Variants in ARHGAP31 observed in about 807,000 individuals in gnomAD.
The protein encoded by ARHGAP31 is rho GTPase-activating protein 31.
In ARHGAP31, 34 loss-of-function variants were observed where a neutral mutation model predicts 113.9. That is an observed-to-expected ratio of 0.30 (90% confidence interval 0.23 to 0.40). The LOEUF is 0.40. ARHGAP31 is among the 10% of genes least tolerant of loss of function. The pLI is 1.00. For missense variants in ARHGAP31, 1,548 were observed against 1,767.1 expected (o/e 0.88, Z 2.22); for synonymous variants, 650 against 684.8 (o/e 0.95, Z 0.79).
At chr3:119,360,553 A>G (rs1014663699) in intron 1 of ARHGAP31, among the ~76,000 whole-genome samples, 4 of 152,322 alleles carry the variant, frequency 2.6e-5, no homozygotes, top group Non-Finnish European at 4.4e-5. Flanking sequence ...ACTTCGAGAA[A>G]TGTTTGACTT....
intron 11 of ARHGAP31, among the ~76,000 whole-genome samples, chr3:119,412,824 G>T (rs546795572): frequency 2.6e-5 from 4 of 151,700 alleles, no homozygotes; most frequent in African/African-American, 9.7e-5. Flanking sequence ...AGGAGTTTGA[G>T]ACCAGCCTAG....
At position 119,407,869 on chromosome 3, in the gene ARHGAP31, G is replaced by A. The variant is rs182913642; in HGVS notation, c.1646-1627G>A. Among the ~76,000 whole-genome samples, 512 of 152,272 alleles carry A rather than the reference G, an allele frequency of 3.4e-3. 2 individuals are homozygous for A. The highest frequency in any genetic ancestry group is 0.011 in the African/African-American group (476 of 41,552). ...TACAGTGGGCCCTCGACAGTCAAAG[G>A]TTCCACATCCATGGATTGAACCAAT... On this transcript the variant is annotated intron_variant, in intron 10 of 11. Transcript: ENST00000264245.
At chr3:119,305,198 G>C (rs1334917911) in intron 1 of ARHGAP31, among the ~76,000 whole-genome samples, 1 of 152,122 alleles carries the variant, frequency 6.6e-6, no homozygotes, top group African/African-American at 2.4e-5. Context: ...TTGACCCAAC[G>C]AGACACAGCT....
chr3:119,383,154 G>A lies in ARHGAP31; in HGVS notation c.610G>A (p.Val204Met). 1.2e-6 allele frequency: 2 copies of A among 1,614,222 alleles called. No homozygotes were observed. Among genetic ancestry groups the A allele is most frequent in the Non-Finnish European group, 8.5e-7 (1 of 1,180,036 alleles). ...AFLAVRVQQV[V>M]IEFILNHVDQ... The stretch of plus-strand genomic sequence containing the variant: ...CCTTGCAGTCCGGGTCCAGCAGGTG[G>A]TGATTGAGTTCATATTGAATCATGT... The change falls in exon 6 of 12, where the codon GTG (valine) becomes ATG (methionine). Residue 204 changes from valine to methionine, a missense_variant. Coordinates refer to ENST00000264245, the MANE Select transcript of ARHGAP31 (RefSeq NM_020754.4).
At position 119,383,168 on chromosome 3, in the gene ARHGAP31, A is replaced by T. The variant is rs1433745747; in HGVS notation, c.624A>T (p.Ile208=). 6.2e-7 allele frequency: 1 copy of T among 1,614,184 alleles called. No homozygotes were observed. The highest frequency in any genetic ancestry group is 1.1e-5 in the South Asian group (1 of 91,084). Residue 208 remains isoleucine, a synonymous_variant, in exon 6 of 12, where the codon ATA becomes ATT. Coordinates refer to ENST00000264245, the MANE Select transcript of ARHGAP31 (RefSeq NM_020754.4). ...VRVQQVVIEF[I]LNHVDQIFNN... The stretch of plus-strand genomic sequence containing the variant: ...TCCAGCAGGTGGTGATTGAGTTCAT[A>T]TTGAATCATGTAGATCAAATCTTTA...
chr3:119,335,412 AG>A (rs2079934015), intron 1 of ARHGAP31, among the ~76,000 whole-genome samples: 1 of 152,228 alleles, frequency 6.6e-6, no homozygotes, highest in South Asian at 2.1e-4. Context: ...TGACATTGCC[AG>A]GACGCAAGCC....
chr3:119,415,967 C>T lies in ARHGAP31; in HGVS notation c.4038C>T (p.Ser1346=). 2 of 1,614,172 alleles carry T rather than the reference C, an allele frequency of 1.2e-6. No homozygotes were observed. The highest frequency in any genetic ancestry group is 1.3e-5 in the African/African-American group (1 of 75,038). ...FHRSRPGRPQ[S]LILFSPPFPI... ...GGTCAAGGCCAGGAAGACCTCAGAG[C>T]CTAATCTTATTCAGTCCTCCTTTCC... The change falls in exon 12 of 12, where the codon AGC becomes AGT. Residue 1346 remains serine, a synonymous_variant. Transcript: ENST00000264245.
At position 119,399,274 on chromosome 3, in the gene ARHGAP31, A is replaced by G. The variant is rs561324826; in HGVS notation, c.1069+13A>G. ...GTGCCTGTGGAAGGTAAGATTTTAC[A>G]AGTAGTTTCTGAGTTGGAGATTACA... is the stretch of plus-strand genomic sequence containing the variant. On this transcript the variant is annotated intron_variant, in intron 9 of 11. Transcript: ENST00000264245. The G allele has an allele frequency of 6.2e-7, 1 of 1,607,752 alleles. No homozygotes were observed. The highest frequency in any genetic ancestry group is 1.7e-5 in the Admixed American group (1 of 60,018).
In ARHGAP31 at chr3:119,390,771, C is replaced by G; in HGVS notation, c.683-14C>G. 1 of 1,611,382 alleles carries G rather than the reference C, an allele frequency of 6.2e-7. No homozygotes were observed. Among genetic ancestry groups the G allele is most frequent in the Non-Finnish European group, 8.5e-7 (1 of 1,179,720 alleles). On this transcript the variant is annotated splice_polypyrimidine_tract_variant and intron_variant, in intron 6 of 11. Transcript: ENST00000264245. Reference sequence around the variant, plus strand: ...GGCCTCCTCCAACACTGAGCTCTTCCATTGCCTTTACAGAAAACCGGCCCA... The same window carrying G: ...GGCCTCCTCCAACACTGAGCTCTTCGATTGCCTTTACAGAAAACCGGCCCA...
intron 1 of ARHGAP31, among the ~76,000 whole-genome samples, chr3:119,326,833 T>G (rs1038277510): frequency 3.3e-5 from 5 of 152,212 alleles, no homozygotes; most frequent in Non-Finnish European, 5.9e-5. Flanking sequence ...ACTGATTTCC[T>G]TTGTGGCTTA....
At chr3:119,381,020 C>T (rs778240892) in intron 4 of ARHGAP31, 34 bp downstream of exon 4, 1 of 1,569,110 alleles carries the variant, frequency 6.4e-7, no homozygotes, top group Non-Finnish European at 8.8e-7. Context: ...CGTGTGGCCT[C>T]TCAATGCAGT....
At chr3:119,341,767 A>G (rs2080009809) in intron 1 of ARHGAP31, 1 of 151,756 alleles carries the variant, frequency 6.6e-6, no homozygotes, top group African/African-American at 2.4e-5. Context: ...ACAACCAAAA[A>G]TCTGTGTGTA....
At chr3:119,391,603 C>T (rs1008036927) in intron 7 of ARHGAP31, among the ~76,000 whole-genome samples, 2 of 115,372 alleles carry the variant, frequency 1.7e-5, no homozygotes, top group African/African-American at 8.4e-5. Flanking sequence ...CCCCCTCCCC[C>T]CCGCCGTCAC....
chr3:119,374,099 T>C (rs1022661611), intron 3 of ARHGAP31, among the ~76,000 whole-genome samples: 1 of 152,172 alleles, frequency 6.6e-6, no homozygotes, highest in Non-Finnish European at 1.5e-5. Flanking sequence ...CCATATGATA[T>C]GGTTTGGAGG....
At chr3:119,303,776 T>C (rs1290927767) in intron 1 of ARHGAP31, among the ~76,000 whole-genome samples, 1 of 135,676 alleles carries the variant, frequency 7.4e-6, no homozygotes, top group Non-Finnish European at 1.5e-5. Flanking sequence ...CCCCAGCTCT[T>C]TTCATGTTTT....
chr3:119,335,952 C>G (rs896599331), intron 1 of ARHGAP31, among the ~76,000 whole-genome samples: 1 of 152,136 alleles, frequency 6.6e-6, no homozygotes, highest in Non-Finnish European at 1.5e-5. Context: ...GTGTGCGGAT[C>G]ACTTGAGGTC....
Position 119,365,487 on chromosome 3 carries a change from G to A in ARHGAP31, c.203+69G>A, listed in dbSNP as rs115297448. 3,488 of 1,365,434 alleles carry A rather than the reference G, an allele frequency of 2.6e-3. 81 individuals are homozygous for A. The African/African-American group carries it at 0.044, about 17-fold the overall frequency. 84.6% of individuals were successfully genotyped at this position (1,365,434 alleles called of 1,614,324 possible). The stretch of plus-strand genomic sequence containing the variant: ...TCCTGTGTCCATGCCTCTGTCCATC[G>A]GTGTCCAGAGTATTAAAAACCCAAA... On this transcript the variant is annotated intron_variant, in intron 2 of 11. Coordinates refer to ENST00000264245, the MANE Select transcript of ARHGAP31 (RefSeq NM_020754.4).
intron 1 of ARHGAP31, among the ~76,000 whole-genome samples, chr3:119,306,644 T>C (rs1325164349): frequency 6.6e-6 from 1 of 152,202 alleles, no homozygotes; most frequent in Non-Finnish European, 1.5e-5. Context: ...ATGGGTTCCA[T>C]AGTTTATAGG....
At chr3:119,413,665 A>G (rs892062713) in intron 11 of ARHGAP31, among the ~76,000 whole-genome samples, 191 bp from the exon 12 acceptor site, 2 of 152,256 alleles carry the variant, frequency 1.3e-5, no homozygotes, top group African/African-American at 4.8e-5. Context: ...AAAATTACAC[A>G]AGATACAGCT....
Sources: gnomAD v4.1 joint callset for allele counts (sites outside exome capture counted in the v4.1 genomes callset) on GRCh38, gnomAD v4.1.1 for gene constraint, MANE v1.5 for transcripts, NCBI Gene and HGNC (gene_info 2026-07-23, HGNC 2026-07-21) for gene names.